CCDC149: variants seen among roughly 807,000 people sequenced by gnomAD.
CCDC149 encodes the protein coiled-coil domain containing 149.
CCDC149 carries 45 observed loss-of-function variants against 59.9 expected under a neutral mutation model. The observed-to-expected ratio is 0.75, with a 90% CI of 0.59 to 0.96. The LOEUF is 0.96. Among genes scored for constraint, CCDC149 ranks in the 40% least tolerant of loss-of-function variants. The pLI is 0.00. For missense variants in CCDC149, 584 were observed against 664.7 expected (o/e 0.88, Z 1.33); for synonymous variants, 245 against 260.6 (o/e 0.94, Z 0.58).
intron 2 of CCDC149, among the ~76,000 whole-genome samples, 192 bp downstream of exon 2, chr4:24,876,336 CACACAGAG>C (rs1448229528): frequency 1.6e-4 from 20 of 122,620 alleles, no homozygotes; most frequent in African/African-American, 6.6e-4. Flanking sequence ...CACACACACA[CACACAGAG>C]AGAGAGAGAG....
intron 3 of CCDC149, among the ~76,000 whole-genome samples, chr4:24,859,716 A>T (rs1354756667): frequency 3.9e-5 from 6 of 152,230 alleles, no homozygotes. Flanking sequence ...TCCTCCAAAA[A>T]GCTCCTAGAT....
chr4:24,810,220 G>C (rs934168740), intron 12 of CCDC149, among the ~76,000 whole-genome samples: 2 of 152,142 alleles, frequency 1.3e-5, no homozygotes, highest in Non-Finnish European at 2.9e-5. Flanking sequence ...CTAAATTTAA[G>C]TCCATGAGAA....
At chr4:24,836,545 G>T (rs770025064) in intron 6 of CCDC149, 37 bp from the exon 7 acceptor site, 1 of 1,407,364 alleles carries the variant, frequency 7.1e-7, no homozygotes, top group Non-Finnish European at 1.0e-6. Flanking sequence ...GGTGTTTAAG[G>T]GCTAAATAAA....
chr4:24,951,705 G>T (rs1209235856), intron 1 of CCDC149, among the ~76,000 whole-genome samples: 1 of 152,116 alleles, frequency 6.6e-6, no homozygotes, highest in Non-Finnish European at 1.5e-5. Flanking sequence ...TATCTGTTTT[G>T]TGGCCATTTA....
chr4:24,829,139 G>C (rs1715959475), intron 9 of CCDC149: 1 of 152,788 alleles, frequency 6.5e-6, no homozygotes, highest in African/African-American at 2.4e-5. Context: ...AGGTAGGACT[G>C]GGGTCTGAGG....
intron 1 of CCDC149, among the ~76,000 whole-genome samples, chr4:24,900,304 C>A (rs1339597608): frequency 6.6e-6 from 1 of 152,230 alleles, no homozygotes; most frequent in Non-Finnish European, 1.5e-5. Flanking sequence ...TTCACTCCTC[C>A]TTCACATCAA....
chr4:24,879,548 G>T (rs1312278849), intron 1 of CCDC149, among the ~76,000 whole-genome samples: 2 of 151,488 alleles, frequency 1.3e-5, no homozygotes, highest in Non-Finnish European at 2.9e-5. Context: ...AGCTGGGCAT[G>T]GTGGCAGGCG....
intron 1 of CCDC149, among the ~76,000 whole-genome samples, chr4:24,905,410 C>CGTGTGTGT (rs1304853540): frequency 4.5e-4 from 42 of 93,820 alleles, no homozygotes; most frequent in Admixed American, 2.1e-3. Context: ...TTTTTGCGTG[C>CGTGTGTGT]GTGCGTGTGT....
In CCDC149 at chr4:24,836,432, C is replaced by T. The variant is rs1716523739; in HGVS notation, c.735+4G>A. ...CACCATCACTGTCATCATGATTTTG[C>T]TACCTTGTATTTGGCAATGTTTGAT... On this transcript the variant is annotated splice_donor_region_variant and intron_variant, in intron 7 of 12. Coordinates refer to ENST00000635206, the MANE Select transcript of CCDC149 (RefSeq NM_001330643.2). 2 of 1,594,528 alleles carry T rather than the reference C, an allele frequency of 1.3e-6. No homozygotes were observed.
At chr4:24,914,206 A>G (rs1435451378), upstream of CCDC149, among the ~76,000 whole-genome samples, 1 of 152,122 alleles carries the variant, frequency 6.6e-6, no homozygotes, top group Non-Finnish European at 1.5e-5. Flanking sequence ...TTGGAAATCT[A>G]AGAATGAAGT....
intron 1 of CCDC149, among the ~76,000 whole-genome samples, chr4:24,912,014 A>G (rs1407449285): frequency 2.0e-5 from 3 of 152,168 alleles, no homozygotes; most frequent in East Asian, 1.9e-4. Flanking sequence ...AACCAGGGCA[A>G]CTTACCTGGT....
At chr4:24,912,647 T>C (rs1027886740) in intron 1 of CCDC149, among the ~76,000 whole-genome samples, 170 bp downstream of exon 1, 7 of 152,026 alleles carry the variant, frequency 4.6e-5, no homozygotes. Context: ...GACCCGAAAG[T>C]GCAGGAGGAG....
At chr4:24,948,466 C>G (rs961800692) in intron 1 of CCDC149, among the ~76,000 whole-genome samples, 6 of 152,228 alleles carry the variant, frequency 3.9e-5, no homozygotes, top group Admixed American at 3.9e-4. Context: ...CTCCAGCATT[C>G]TCACCCTGCT....
chr4:24,935,174 T>C (rs768214977), intron 1 of CCDC149, among the ~76,000 whole-genome samples: 12 of 152,286 alleles, frequency 7.9e-5, no homozygotes, highest in Non-Finnish European at 1.5e-4. Context: ...TCTGGAAGTA[T>C]TTTTAAGTTA....
At chr4:24,881,589 T>C (rs1466096622) in intron 1 of CCDC149, among the ~76,000 whole-genome samples, 1 of 152,188 alleles carries the variant, frequency 6.6e-6, no homozygotes, top group Non-Finnish European at 1.5e-5. Flanking sequence ...TTTGAGGGTT[T>C]GTTACTGAAG....
upstream of CCDC149, among the ~76,000 whole-genome samples, chr4:24,916,101 G>T (rs1722112331): frequency 6.6e-6 from 1 of 152,152 alleles, no homozygotes; most frequent in Non-Finnish European, 1.5e-5. Flanking sequence ...TCTTAAATGT[G>T]CCACCCTGTT....
intron 1 of CCDC149, among the ~76,000 whole-genome samples, chr4:24,909,156 T>G (rs1441881172): frequency 6.6e-6 from 1 of 152,196 alleles, no homozygotes; most frequent in African/African-American, 2.4e-5. Context: ...AGGATTGTTT[T>G]AAATGAAAAC....
chr4:24,929,301 A>G (rs1236623244), intron 1 of CCDC149, among the ~76,000 whole-genome samples: 2 of 152,174 alleles, frequency 1.3e-5, no homozygotes, highest in East Asian at 1.9e-4. Flanking sequence ...TCAGCGGCTC[A>G]TGAATCATGG....
In CCDC149 at chr4:24,826,032, G is replaced by A. The variant is rs112909252; in HGVS notation, c.966-3459C>T. Among the ~76,000 whole-genome samples, 164 of 151,686 alleles carry A rather than the reference G, an allele frequency of 1.1e-3. 1 individual carries two copies. Among genetic ancestry groups the A allele is most frequent in the African/African-American group, 3.8e-3 (158 of 41,382 alleles). ...GTGCAGTGGCATGATCTCAGCTCAC[G>A]GCAACCTCTGCCTCCTGGGTTCAAG... On this transcript the variant is annotated intron_variant, in intron 9 of 12. Transcript: ENST00000635206.
Sources: gnomAD v4.1 joint callset for allele counts (sites outside exome capture counted in the v4.1 genomes callset) on GRCh38, gnomAD v4.1.1 for gene constraint, MANE v1.5 for transcripts, NCBI Gene and HGNC (gene_info 2026-07-23, HGNC 2026-07-21) for gene names.